The following SLC8A1 variants were observed in gnomAD, a reference collection of about 807,000 sequenced individuals.
The protein encoded by SLC8A1 is solute carrier family 8 member A1.
Under a neutral mutation model 68.3 loss-of-function variants are expected in SLC8A1, and 18 were observed. The ratio of observed to expected loss-of-function variants is 0.26; its 90% CI spans 0.18 to 0.39. SLC8A1 has a LOEUF of 0.39. Among genes scored for constraint, SLC8A1 ranks in the 10% least tolerant of loss-of-function variants. The probability of loss-of-function intolerance (pLI) is 1.00; values close to 1 mark genes in which losing one functional copy is unlikely to be tolerated. For missense variants in SLC8A1, 985 were observed against 1,156.7 expected (o/e 0.85, Z 2.15); for synonymous variants, 475 against 415.5 (o/e 1.14, Z -1.74).
At position 40,333,557 on chromosome 2, in the gene SLC8A1, T is replaced by C. The variant is rs554816703; in HGVS notation, c.1808+94916A>G. On this transcript the variant is annotated intron_variant, in intron 2 of 7. Coordinates refer to ENST00000406785, the Ensembl canonical transcript of SLC8A1. ...GGAAAAATCTGAATTCTATTCATTT[T>C]ATTCAAGACCTAGGTATCCCATTGA... 7.9e-5 allele frequency among the ~76,000 whole-genome samples: 12 copies of C among 152,314 alleles called. No individual in the cohort carries two copies. The South Asian group carries it at 2.3e-3, about 29-fold the overall frequency.
At chr2:40,509,730 T>A (rs568050772) in intron 1 of SLC8A1, among the ~76,000 whole-genome samples, 105 of 152,246 alleles carry the variant, frequency 6.9e-4, no homozygotes, top group African/African-American at 2.4e-3. Context: ...CTATTTGGAA[T>A]TATTTCAAAT....
At chr2:40,367,443 G>A (rs1008617235) in intron 2 of SLC8A1, among the ~76,000 whole-genome samples, 3 of 151,700 alleles carry the variant, frequency 2.0e-5, no homozygotes, top group East Asian at 1.9e-4. Context: ...TTTTTTCCCC[G>A]ACTGAGTTAC....
intron 7 of SLC8A1, among the ~76,000 whole-genome samples, chr2:40,116,117 C>G (rs1479671565): frequency 6.6e-6 from 1 of 152,072 alleles, no homozygotes; most frequent in Non-Finnish European, 1.5e-5. Context: ...CTAAAAGATG[C>G]TGTATCAGCA....
At chr2:40,331,296 A>C (rs1158386466) in intron 2 of SLC8A1, among the ~76,000 whole-genome samples, 4 of 152,222 alleles carry the variant, frequency 2.6e-5, no homozygotes, top group Non-Finnish European at 5.9e-5. Context: ...TAGAAAGTGA[A>C]AAGTCTAACC....
chr2:40,100,580 T>G (rs2033834929), exon 8 of SLC8A1: 1 of 152,088 alleles, frequency 6.6e-6, no homozygotes, highest in African/African-American at 2.4e-5. Context: ...AGGCTTTAAC[T>G]TTGATTAAAA....
At chr2:40,426,366 C>T (rs527545191) in intron 2 of SLC8A1, among the ~76,000 whole-genome samples, 1 of 152,040 alleles carries the variant, frequency 6.6e-6, no homozygotes, top group Non-Finnish European at 1.5e-5. Flanking sequence ...CAATGTTTAC[C>T]AATTCTCACA....
chr2:40,303,010 G>C (rs1348740955), intron 2 of SLC8A1, among the ~76,000 whole-genome samples: 1 of 152,122 alleles, frequency 6.6e-6, no homozygotes, highest in Non-Finnish European at 1.5e-5. Flanking sequence ...ATTTAGAAGA[G>C]GGAAAACCAA....
At chr2:40,417,016 G>C (rs138656248) in intron 2 of SLC8A1, among the ~76,000 whole-genome samples, 3 of 152,076 alleles carry the variant, frequency 2.0e-5, no homozygotes, top group Non-Finnish European at 4.4e-5. Context: ...TCTCTCAGGA[G>C]GCAAAGTACA....
intron 1 of SLC8A1, among the ~76,000 whole-genome samples, chr2:40,472,886 CTG>C (rs1704072470): frequency 6.6e-6 from 1 of 152,196 alleles, no homozygotes; most frequent in South Asian, 2.1e-4. Context: ...AATATACTGA[CTG>C]TTATTGTGGA....
intron 2 of SLC8A1, among the ~76,000 whole-genome samples, chr2:40,212,883 A>G (rs375870981): frequency 4.7e-4 from 71 of 150,758 alleles, no homozygotes; most frequent in African/African-American, 1.7e-3. Context: ...TAGATTCATA[A>G]ATTTAGGGCA....
At chr2:40,332,609 C>T (rs2076534148) in intron 2 of SLC8A1, among the ~76,000 whole-genome samples, 1 of 152,136 alleles carries the variant, frequency 6.6e-6, no homozygotes, top group African/African-American at 2.4e-5. Context: ...GAACATAATT[C>T]TCTACCAAGC....
chr2:40,473,925 CAATATA>C (rs1335219442), intron 1 of SLC8A1, among the ~76,000 whole-genome samples: 2 of 152,062 alleles, frequency 1.3e-5, no homozygotes, highest in Admixed American at 6.5e-5. Context: ...ATTTGATATT[CAATATA>C]AATATAGGCA....
At chr2:40,103,021 C>G (rs137989119) in exon 8 of SLC8A1, 3 of 152,192 alleles carry the variant, frequency 2.0e-5, no homozygotes, top group African/African-American at 7.2e-5. Context: ...ATCATTTTAT[C>G]GGTTGCAATG....
chr2:40,304,484 A>G (rs1341661273), intron 2 of SLC8A1, among the ~76,000 whole-genome samples: 1 of 152,126 alleles, frequency 6.6e-6, no homozygotes, highest in Non-Finnish European at 1.5e-5. Context: ...AGCCACCCAG[A>G]CGATGGAATG....
At chr2:40,418,869 G>T (rs1204250287) in intron 2 of SLC8A1, among the ~76,000 whole-genome samples, 1 of 152,118 alleles carries the variant, frequency 6.6e-6, no homozygotes, top group Non-Finnish European at 1.5e-5. Flanking sequence ...TTCTTCTGGG[G>T]AAAAGCAGGC....
At chr2:40,186,298 G>T (rs1218345461) in intron 2 of SLC8A1, among the ~76,000 whole-genome samples, 1 of 152,198 alleles carries the variant, frequency 6.6e-6, no homozygotes, top group Non-Finnish European at 1.5e-5. Context: ...ACCTACAGGA[G>T]ATGATGAGCT....
At chr2:40,178,600 G>C in intron 2 of SLC8A1, 107 bp from the exon 3 acceptor site, 1 of 895,996 alleles carries the variant, frequency 1.1e-6, no homozygotes, top group Non-Finnish European at 1.8e-6. Flanking sequence ...CAGACAAACA[G>C]TAATCGAGAA....
At chr2:40,121,704 T>C (rs2036859438) in intron 7 of SLC8A1, among the ~76,000 whole-genome samples, 1 of 152,166 alleles carries the variant, frequency 6.6e-6, no homozygotes, top group Non-Finnish European at 1.5e-5. Context: ...GGGTGTTCAG[T>C]ATTATTAGCT....
chr2:40,242,291 G>A (rs547867412), intron 2 of SLC8A1, among the ~76,000 whole-genome samples: 1 of 152,254 alleles, frequency 6.6e-6, no homozygotes, highest in South Asian at 2.1e-4. Context: ...CTTTGTGAAT[G>A]TAATTTTGGA....
Sources: allele counts gnomAD v4.1 joint callset (sites outside exome capture counted in the v4.1 genomes callset), GRCh38; gene constraint gnomAD v4.1.1; transcripts MANE v1.5; gene names NCBI Gene and HGNC (gene_info 2026-07-23, HGNC 2026-07-21).